ACTR3C: variants seen among roughly 807,000 people sequenced by gnomAD.
ACTR3C encodes actin-related protein 3C.
In ACTR3C, 18 loss-of-function variants were observed where a neutral mutation model predicts 26.3. The ratio of observed to expected loss-of-function variants is 0.68; its 90% CI spans 0.47 to 1.01. The LOEUF (loss-of-function observed/expected upper bound fraction) is 1.01. Among genes scored for constraint, ACTR3C ranks in the 50% least tolerant of loss-of-function variants. The pLI is 0.00. For synonymous variants in ACTR3C, 55 were observed against 94.5 expected (o/e 0.58, Z 2.42); for missense variants, 184 against 250.7 (o/e 0.73, Z 1.80).
the ACTR3C span, among the ~76,000 whole-genome samples, chr7:150,033,610 C>T: frequency 4.0e-4 from 60 of 150,486 alleles, no homozygotes; most frequent in African/African-American, 1.1e-3. Flanking sequence ...TGCCTCCCCC[C>T]GCTGCAATGG....
the ACTR3C span, among the ~76,000 whole-genome samples, chr7:150,227,996 T>C: frequency 6.6e-6 from 1 of 152,166 alleles, no homozygotes; most frequent in Non-Finnish European, 1.5e-5. Flanking sequence ...AAGGTCTTTG[T>C]CCTTCCCTTA....
downstream of ACTR3C, among the ~76,000 whole-genome samples, chr7:150,241,307 G>A (rs1189444583): frequency 6.6e-6 from 1 of 152,118 alleles, no homozygotes; most frequent in Non-Finnish European, 1.5e-5. Flanking sequence ...GAGAAAAAGA[G>A]ATTGATGGGG....
the ACTR3C span, among the ~76,000 whole-genome samples, chr7:149,914,962 C>T: frequency 6.6e-6 from 1 of 151,250 alleles, no homozygotes; most frequent in Non-Finnish European, 1.5e-5. Flanking sequence ...TCACTGCAAC[C>T]TCCACCTCCC....
chr7:150,146,625 G>A, the ACTR3C span, among the ~76,000 whole-genome samples: 1 of 152,126 alleles, frequency 6.6e-6, no homozygotes, highest in African/African-American at 2.4e-5. Context: ...TCTAGCTACT[G>A]GAATATGGCA....
chr7:150,320,069 G>A (rs757681881), intron 1 of ACTR3C, among the ~76,000 whole-genome samples: 3 of 152,158 alleles, frequency 2.0e-5, no homozygotes, highest in Admixed American at 6.5e-5. Flanking sequence ...CTGGATTAAC[G>A]CTGGAAAGGG....
At chr7:150,252,735 CT>C (rs150727956) in intron 6 of ACTR3C, among the ~76,000 whole-genome samples, 12,048 of 152,132 alleles carry the variant, frequency 0.079, 720 homozygotes, top group African/African-American at 0.13. Flanking sequence ...TTTGAAGTAC[CT>C]TTCTATTAAA....
the ACTR3C span, among the ~76,000 whole-genome samples, chr7:150,100,548 A>G: frequency 6.6e-6 from 1 of 151,802 alleles, no homozygotes; most frequent in African/African-American, 2.4e-5. Flanking sequence ...ATTTGTGCTC[A>G]AAGAAAATAT....
chr7:150,036,031 C>G, the ACTR3C span, among the ~76,000 whole-genome samples: 2 of 122,930 alleles, frequency 1.6e-5, no homozygotes, highest in Non-Finnish European at 3.5e-5. Context: ...GTCCTAAGAG[C>G]AAAGGTGGGA....
chr7:150,123,578 G>A, the ACTR3C span, among the ~76,000 whole-genome samples: 1 of 137,444 alleles, frequency 7.3e-6, no homozygotes, highest in Admixed American at 7.4e-5. Flanking sequence ...TCAAAGCAAA[G>A]GTCAACACAC....
chr7:150,231,202 T>C, the ACTR3C span, among the ~76,000 whole-genome samples: 1 of 152,212 alleles, frequency 6.6e-6, no homozygotes, highest in Non-Finnish European at 1.5e-5. Context: ...TCGTGCGATA[T>C]TTAGAATTGT....
the ACTR3C span, among the ~76,000 whole-genome samples, chr7:150,119,539 CT>C: frequency 6.6e-6 from 1 of 152,104 alleles, no homozygotes. Context: ...GCTAACTATC[CT>C]AAATATATAT....
the ACTR3C span, among the ~76,000 whole-genome samples, chr7:149,987,516 G>A: frequency 6.8e-6 from 1 of 147,872 alleles, no homozygotes; most frequent in African/African-American, 2.5e-5. Flanking sequence ...GCAATGAACT[G>A]AGATTGTGCC....
chr7:149,904,817 A>AC, the ACTR3C span, among the ~76,000 whole-genome samples: 1 of 151,802 alleles, frequency 6.6e-6, no homozygotes, highest in Admixed American at 6.6e-5. Flanking sequence ...AACATGGTGA[A>AC]ACCCCATCTC....
the ACTR3C span, among the ~76,000 whole-genome samples, chr7:150,123,213 T>C: frequency 1.8e-4 from 28 of 151,452 alleles, no homozygotes; most frequent in Non-Finnish European, 3.2e-4. Context: ...GCACCATGTA[T>C]CCCAGAACTT....
chr7:149,961,979 GT>G, the ACTR3C span, among the ~76,000 whole-genome samples: 5 of 152,154 alleles, frequency 3.3e-5, no homozygotes, highest in African/African-American at 1.2e-4. Flanking sequence ...CTCACAGGAA[GT>G]GTTCACTCAC....
At chr7:149,900,292 C>T in the ACTR3C span, among the ~76,000 whole-genome samples, 1,192 of 152,202 alleles carry the variant, frequency 7.8e-3, 16 homozygotes, top group African/African-American at 0.028. Context: ...TCTCCTGCCT[C>T]AGCCTCCCGA....
the ACTR3C span, among the ~76,000 whole-genome samples, chr7:150,098,688 C>A: frequency 6.6e-6 from 1 of 151,752 alleles, no homozygotes; most frequent in Non-Finnish European, 1.5e-5. Flanking sequence ...ATGGTAAGTA[C>A]CAAAAAGTGG....
chr7:149,991,817 A>G, the ACTR3C span, among the ~76,000 whole-genome samples: 6 of 152,240 alleles, frequency 3.9e-5, no homozygotes, highest in East Asian at 1.2e-3. Flanking sequence ...TGCAGCCTTG[A>G]CCTCCTGAGC....
chr7:150,017,670 C>A, the ACTR3C span, among the ~76,000 whole-genome samples: 9 of 149,538 alleles, frequency 6.0e-5, no homozygotes, highest in Non-Finnish European at 1.2e-4. Context: ...GCCCACAACA[C>A]TTCCCCAGCA....
Sources: gnomAD v4.1 joint callset for allele counts (sites outside exome capture counted in the v4.1 genomes callset) on GRCh38, gnomAD v4.1.1 for gene constraint, MANE v1.5 for transcripts, NCBI Gene and HGNC (gene_info 2026-07-23, HGNC 2026-07-21) for gene names.